Variants in GPHN observed in about 807,000 individuals in gnomAD.
GPHN encodes the protein gephyrin.
GPHN carries 17 observed loss-of-function variants against 95.5 expected under a neutral mutation model. That is an observed-to-expected ratio of 0.18 (90% CI 0.12 to 0.27). The LOEUF is 0.27. Among genes scored for constraint, GPHN ranks in the 10% least tolerant of loss-of-function variants. The pLI, the probability that GPHN is intolerant of heterozygous loss-of-function variation, is 1.00. For synonymous variants in GPHN, 320 were observed against 322.5 expected (o/e 0.99, Z 0.08); for missense variants, 660 against 978.1 (o/e 0.67, Z 4.34).
intron 16 of GPHN, among the ~76,000 whole-genome samples, chr14:67,119,212 A>G (rs572894788): frequency 6.6e-6 from 1 of 152,316 alleles, no homozygotes; most frequent in East Asian, 1.9e-4. Context: ...AATTTATTTC[A>G]AGTTACATGT....
At chr14:67,730,845 C>T in the GPHN span, among the ~76,000 whole-genome samples, 1 of 152,172 alleles carries the variant, frequency 6.6e-6, no homozygotes, top group Non-Finnish European at 1.5e-5. Context: ...GTCAGTTGAT[C>T]CACCTGCCTT....
the GPHN span, among the ~76,000 whole-genome samples, chr14:67,420,889 ATGAT>A: frequency 1.3e-5 from 2 of 152,216 alleles, no homozygotes; most frequent in Non-Finnish European, 2.9e-5. Context: ...ATAGCAAACA[ATGAT>A]TGAGAGAGCA....
chr14:66,896,107 C>T (rs1312821992), intron 5 of GPHN, among the ~76,000 whole-genome samples: 1 of 152,066 alleles, frequency 6.6e-6, no homozygotes. Flanking sequence ...GCACTAATAC[C>T]ACTCATGAGG....
In GPHN at chr14:66,762,841, A is replaced by C. The variant is rs375459749; in HGVS notation, c.144-13623A>C. The stretch of plus-strand genomic sequence containing the variant: ...AGAATGGTGAGGTAAAAAGGTACCC[A>C]TTTAACCTCACTAAGGATGACTGTA... On this transcript the variant is annotated intron_variant, in intron 2 of 22. Coordinates refer to ENST00000478722, the MANE Select transcript of GPHN (RefSeq NM_020806.5). Among the ~76,000 whole-genome samples the C allele has an allele frequency of 3.1e-3, 466 of 152,324 alleles. 11 individuals are homozygous for C. Among genetic ancestry groups the C allele is most frequent in the African/African-American group, 0.011 (442 of 41,570 alleles).
the GPHN span, chr14:67,734,025 G>A: frequency 1.8e-6 from 1 of 561,202 alleles, no homozygotes; most frequent in Non-Finnish European, 3.3e-6. Flanking sequence ...TTGTGAGACT[G>A]GCTTATGGCA....
chr14:66,891,137 A>G (rs952226217), intron 5 of GPHN, among the ~76,000 whole-genome samples: 6 of 151,256 alleles, frequency 4.0e-5, no homozygotes, highest in Non-Finnish European at 8.8e-5. Flanking sequence ...GAAGAAGTAA[A>G]CCTATCTTTT....
chr14:66,876,808 C>G (rs2063685564), intron 4 of GPHN, among the ~76,000 whole-genome samples: 1 of 152,070 alleles, frequency 6.6e-6, no homozygotes, highest in African/African-American at 2.4e-5. Context: ...CTGAATTCTA[C>G]CAGAAGTACA....
Position 67,171,374 on chromosome 14 carries a change from GAAAAAA to G in GPHN, c.2079+2344_2079+2349del, listed in dbSNP as rs111769551. On this transcript the variant is annotated intron_variant, in intron 21 of 22. Coordinates refer to ENST00000478722, the MANE Select transcript of GPHN (RefSeq NM_020806.5). ...AAACACTTCCAAAGCATCTGGTAAA[GAAAAAA>G]AAAAAGAAAAAGAAAAAGAAAGGAA... Among the ~76,000 whole-genome samples the G allele has an allele frequency of 8.1e-3, 1,078 of 133,630 alleles. 4 individuals carry two copies. The highest frequency in any genetic ancestry group is 0.028 in the African/African-American group (1,029 of 36,596). The allele number at this position is 133,630 out of a possible 152,430, so 87.7% of individuals were successfully genotyped here.
chr14:66,530,870 C>T (rs1012675150), intron 1 of GPHN, among the ~76,000 whole-genome samples: 3 of 152,026 alleles, frequency 2.0e-5, no homozygotes, highest in Non-Finnish European at 4.4e-5. Context: ...GCGTTGATCT[C>T]GCTGGGAGCT....
chr14:66,570,590 T>TC (rs77498224), intron 1 of GPHN, among the ~76,000 whole-genome samples: 49,827 of 151,924 alleles, frequency 0.33, 11,995 homozygotes, highest in African/African-American at 0.65. Context: ...ACAGGCATGA[T>TC]CACCATGCCT....
the GPHN span, chr14:67,619,890 A>G: frequency 4.7e-6 from 4 of 855,844 alleles, no homozygotes; most frequent in South Asian, 2.0e-5. Context: ...TGGCGCGGGT[A>G]GGTAAGAGCA....
At chr14:66,803,907 A>C (rs1485802243) in intron 3 of GPHN, among the ~76,000 whole-genome samples, 1 of 151,802 alleles carries the variant, frequency 6.6e-6, no homozygotes, top group Non-Finnish European at 1.5e-5. Context: ...GTACCATTTC[A>C]TCCATTTTGT....
the GPHN span, among the ~76,000 whole-genome samples, chr14:67,409,539 T>G: frequency 6.6e-6 from 1 of 152,164 alleles, no homozygotes; most frequent in African/African-American, 2.4e-5. Context: ...CGGCAGTGCT[T>G]CTGTCTCTTC....
the GPHN span, chr14:67,473,926 C>T: frequency 6.3e-7 from 1 of 1,596,346 alleles, no homozygotes; most frequent in Non-Finnish European, 8.5e-7. This position sits in a 1 kb window ranked among gnomAD's most constrained non-coding sequence, Gnocchi z 6.5. Flanking sequence ...GACGCCATGG[C>T]GCCGACTGGG....
At chr14:67,345,975 G>A in the GPHN span, 1 of 721,324 alleles carries the variant, frequency 1.4e-6, no homozygotes, top group Non-Finnish European at 2.3e-6. Flanking sequence ...ATGGAAAGAT[G>A]AATTCACTAA....
At chr14:67,375,046 T>G in the GPHN span, among the ~76,000 whole-genome samples, 3 of 152,126 alleles carry the variant, frequency 2.0e-5, no homozygotes, top group South Asian at 6.2e-4. Context: ...CTAGTTTTGG[T>G]TTTTTTCCCC....
chr14:67,674,995 C>T, the GPHN span, among the ~76,000 whole-genome samples: 5,566 of 152,266 alleles, frequency 0.037, 297 homozygotes, highest in African/African-American at 0.12. Flanking sequence ...GTTCAGCCCG[C>T]GCGGCGACAG....
At chr14:67,383,507 T>A in the GPHN span, 1 of 1,594,208 alleles carries the variant, frequency 6.3e-7, no homozygotes, top group Non-Finnish European at 8.6e-7. Context: ...AATCCTAGAC[T>A]TGAAAGTTTT....
At chr14:66,818,435 T>C (rs1278658078) in intron 3 of GPHN, among the ~76,000 whole-genome samples, 3 of 152,182 alleles carry the variant, frequency 2.0e-5, no homozygotes, top group African/African-American at 7.2e-5. Flanking sequence ...CATGATCTCA[T>C]TGTTTTTTGT....
Sources: allele counts gnomAD v4.1 joint callset (sites outside exome capture counted in the v4.1 genomes callset), GRCh38; gene constraint gnomAD v4.1.1; non-coding constraint Gnocchi (gnomAD v3.1); transcripts MANE v1.5; gene names NCBI Gene and HGNC (gene_info 2026-07-23, HGNC 2026-07-21).